The following HAO2 variants were observed in gnomAD, a reference collection of about 807,000 sequenced individuals.
The protein encoded by HAO2 is 2-Hydroxyacid oxidase 2.
Under a neutral mutation model 37.4 loss-of-function variants are expected in HAO2, and 42 were observed. That is an observed-to-expected ratio of 1.12 (90% CI 0.88 to 1.45). HAO2 has a LOEUF of 1.45. Among genes scored for constraint, HAO2 ranks in the 40% most tolerant of loss-of-function variants. HAO2 has a pLI of 0.00. For missense variants in HAO2, 476 were observed against 430.2 expected (o/e 1.11, Z -0.94); for synonymous variants, 180 against 162.8 (o/e 1.11, Z -0.81).
chr1:119,393,392 A>G (rs967365223), intron 7 of HAO2, among the ~76,000 whole-genome samples: 1 of 152,146 alleles, frequency 6.6e-6, no homozygotes, highest in Non-Finnish European at 1.5e-5. Flanking sequence ...GGCAATTGTC[A>G]TGTGGAATAC....
chr1:119,384,970 C>T lies in HAO2; in HGVS notation c.478C>T (p.Pro160Ser). ...FKALVITLDT[P>S]VCGNRRHDIR... is the part of the protein sequence containing the mutation. Reference sequence around the variant, plus strand: ...AGCTTTGGTAATAACTTTGGATACACCTGTATGTGGCAACAGGCGACATGA... The same window carrying T: ...AGCTTTGGTAATAACTTTGGATACATCTGTATGTGGCAACAGGCGACATGA... Residue 160 changes from proline to serine, a missense_variant, in exon 4 of 8, where the codon CCT (proline) becomes TCT (serine). Transcript: ENST00000325945. The T allele has an allele frequency of 6.2e-7, 1 of 1,613,550 alleles. No individual in the cohort carries two copies. Among genetic ancestry groups the T allele is most frequent in the East Asian group, 2.2e-5 (1 of 44,848 alleles).
chr1:119,386,421 G>T (rs1418744987), intron 4 of HAO2, among the ~76,000 whole-genome samples: 1 of 152,064 alleles, frequency 6.6e-6, no homozygotes, highest in Admixed American at 6.6e-5. Flanking sequence ...GCCCATGCTT[G>T]TCTCAAACTA....
At chr1:119,384,600 G>T (rs1471553673) in intron 3 of HAO2, among the ~76,000 whole-genome samples, 176 bp from the exon 4 acceptor site, 1 of 152,132 alleles carries the variant, frequency 6.6e-6, no homozygotes, top group Non-Finnish European at 1.5e-5. Flanking sequence ...AAAGGTTTAG[G>T]TCTCTCAGCC....
At chr1:119,386,560 T>G in intron 4 of HAO2, 62 bp from the exon 5 acceptor site, 2 of 1,000,988 alleles carry the variant, frequency 2.0e-6, no homozygotes, top group South Asian at 2.6e-5. Flanking sequence ...TGTCTCATCT[T>G]TGGAATGCAT....
In HAO2 at chr1:119,382,995, C is replaced by T. The variant is rs1650079964; in HGVS notation, c.212C>T (p.Ala71Val). The T allele has an allele frequency of 6.2e-7, 1 of 1,612,410 alleles. No individual in the cohort carries two copies. Among genetic ancestry groups the T allele is most frequent in the South Asian group, 1.1e-5 (1 of 91,014 alleles). Reference protein sequence around the residue: ...RTTIQGEEISAPICIAPTGFH... With the variant: ...RTTIQGEEISVPICIAPTGFH... Reference sequence around the variant, plus strand: ...ACAATCCAAGGGGAGGAGATCAGTGCCCCTATTTGTATCGCACCCACAGGG... The same window carrying T: ...ACAATCCAAGGGGAGGAGATCAGTGTCCCTATTTGTATCGCACCCACAGGG... Residue 71 changes from alanine to valine, a missense_variant, in exon 3 of 8, where the codon GCC (alanine) becomes GTC (valine). Transcript: ENST00000325945.
At chr1:119,393,003 A>G (rs1019731478) in intron 7 of HAO2, among the ~76,000 whole-genome samples, 1 of 152,194 alleles carries the variant, frequency 6.6e-6, no homozygotes, top group Admixed American at 6.5e-5. Context: ...CAACCCAGGC[A>G]TGAAACTCAA....
intron 1 of HAO2, among the ~76,000 whole-genome samples, chr1:119,369,474 A>G (rs587596730): frequency 2.0e-5 from 3 of 152,342 alleles, no homozygotes; most frequent in African/African-American, 7.2e-5. Flanking sequence ...CAAGAACGCT[A>G]ATGAAGACAG....
intron 1 of HAO2, among the ~76,000 whole-genome samples, chr1:119,377,183 C>T (rs374677020): frequency 2.5e-3 from 381 of 152,290 alleles, no homozygotes; most frequent in African/African-American, 8.7e-3. Flanking sequence ...CCCAAGTCAC[C>T]TCTTGAATGC....
At chr1:119,369,027 A>T (rs796998748) in intron 1 of HAO2, 125 bp downstream of exon 1, 8 of 152,400 alleles carry the variant, frequency 5.2e-5, no homozygotes, top group African/African-American at 1.9e-4. Flanking sequence ...CTTGGCAAAG[A>T]TGGTCCTAGG....
rs151242323 is a variant in HAO2 at position 119,391,463 on chromosome 1, T to C, written c.772-647T>C. 5.9e-5 allele frequency among the ~76,000 whole-genome samples: 9 copies of C among 152,312 alleles called. No homozygotes were observed. The East Asian group carries it at 1.7e-3, about 29-fold the overall frequency. On this transcript the variant is annotated intron_variant, in intron 5 of 7. Coordinates refer to ENST00000325945, the MANE Select transcript of HAO2 (RefSeq NM_016527.4). ...AGGCAACATAAGAGACAAAGTTCCT[T>C]AGGAAAATCAGGCCAAGATGATAAG...
chr1:119,384,914 T>A lies in HAO2; in HGVS notation c.422T>A (p.Leu141Ter), dbSNP rs1461438125. Residue 141 changes from leucine to a stop codon, truncating the protein, a stop_gained, in exon 4 of 8, where the codon TTG becomes TAG. Transcript: ENST00000325945. LOFTEE classifies it high-confidence loss of function. ...CCAGACCTGCAGCTGAACAAACAGT[T>A]GATCCAGAGGGTAGAATCCCTAGGT... ...VHPDLQLNKQ[L>*]IQRVESLGFK... 3 of 1,614,064 alleles carry A rather than the reference T, an allele frequency of 1.9e-6. No homozygotes were observed.
At chr1:119,387,864 A>G (rs1650511914) in intron 5 of HAO2, among the ~76,000 whole-genome samples, 1 of 152,188 alleles carries the variant, frequency 6.6e-6, no homozygotes, top group South Asian at 2.1e-4. Flanking sequence ...TTTAAGATAA[A>G]TTCCAGGAAT....
chr1:119,376,298 A>G (rs982595494), intron 1 of HAO2, among the ~76,000 whole-genome samples: 7 of 152,214 alleles, frequency 4.6e-5, no homozygotes, highest in African/African-American at 1.2e-4. Context: ...TAAAGCTCCA[A>G]AATGATCTTT....
In HAO2 at chr1:119,386,635, C is replaced by G; in HGVS notation, c.575C>G (p.Pro192Arg). Reference protein sequence around the residue: ...LQSPKKGNAIPYFQMTPISTS... With the variant: ...LQSPKKGNAIRYFQMTPISTS... ...TATTTCCTATAGGGAAATGCAATAC[C>G]TTATTTCCAGATGACTCCTATCAGC... The change falls in exon 5 of 8, where the codon CCT becomes CGT. Residue 192 changes from proline (P) to arginine (R), a missense_variant. Pro to Arg is a moderately radical substitution (Grantham distance 103, BLOSUM62 -2). Coordinates refer to ENST00000325945, the MANE Select transcript of HAO2 (RefSeq NM_016527.4). 6.2e-7 allele frequency: 1 copy of G among 1,603,328 alleles called. No homozygotes were observed. Among genetic ancestry groups the G allele is most frequent in the Non-Finnish European group, 8.5e-7 (1 of 1,170,296 alleles).
chr1:119,380,582 G>A (rs1649838571), intron 1 of HAO2: 5 of 724,066 alleles, frequency 6.9e-6, no homozygotes, highest in Admixed American at 4.6e-5. Context: ...AAGCTGGTGA[G>A]GCAGTGAAAA....
chr1:119,391,030 C>T (rs910113481), intron 5 of HAO2, among the ~76,000 whole-genome samples: 4 of 152,142 alleles, frequency 2.6e-5, no homozygotes, highest in African/African-American at 9.7e-5. Flanking sequence ...AAAAATGCCT[C>T]TTATTAGAAT....
chr1:119,392,777 C>T lies in HAO2; in HGVS notation c.1000+90C>T, dbSNP rs193128553. 9.3e-3 allele frequency: 7,823 copies of T among 840,360 alleles called. 146 individuals are homozygous for T. The highest frequency in any genetic ancestry group is 0.046 in the South Asian group (3,434 of 74,884). The allele number at this position is 840,360 out of a possible 1,614,324, so 52.1% of individuals were successfully genotyped here. A position where few individuals can be genotyped will look rare whatever the true frequency, so the allele number is the denominator to read the frequency against. On this transcript the variant is annotated intron_variant, in intron 7 of 7. Transcript: ENST00000325945. ...GTCCTTCCCTCTAGCAGACCCTTTC[C>T]TGATGTGGTAGCTGTCCAAAAGATA... is the stretch of plus-strand genomic sequence containing the variant.
chr1:119,387,264 C>A (rs746258815), intron 5 of HAO2, among the ~76,000 whole-genome samples: 1 of 152,110 alleles, frequency 6.6e-6, no homozygotes, highest in Non-Finnish European at 1.5e-5. Flanking sequence ...CTATAAAAGT[C>A]CATAATTTTT....
chr1:119,370,980 C>G (rs587637545), intron 1 of HAO2, among the ~76,000 whole-genome samples: 5 of 152,280 alleles, frequency 3.3e-5, no homozygotes, highest in Admixed American at 6.5e-5. Context: ...TGTGTGAATT[C>G]TGATGTCTGT....
Sources: allele counts gnomAD v4.1 joint callset (sites outside exome capture counted in the v4.1 genomes callset), GRCh38; gene constraint gnomAD v4.1.1; transcripts MANE v1.5; gene names NCBI Gene and HGNC (gene_info 2026-07-23, HGNC 2026-07-21).